The following ZFHX4 variants were observed in gnomAD, a reference collection of about 807,000 sequenced individuals.
ZFHX4 encodes zinc finger homeobox protein 4.
In ZFHX4, 56 loss-of-function variants were observed where a neutral mutation model predicts 267.6. That is an observed-to-expected ratio of 0.21 (90% CI 0.17 to 0.26). ZFHX4 has a LOEUF of 0.26. ZFHX4 is among the 10% of genes least tolerant of loss of function. The pLI is 1.00. For synonymous variants in ZFHX4, 1,778 were observed against 1,665.6 expected (o/e 1.07, Z -1.64); for missense variants, 4,332 against 4,420.0 (o/e 0.98, Z 0.56).
intron 1 of ZFHX4, among the ~76,000 whole-genome samples, chr8:76,690,397 G>T (rs1404806406): frequency 2.6e-5 from 4 of 151,994 alleles, no homozygotes; most frequent in East Asian, 1.9e-4. Context: ...AAAACAAAAT[G>T]AAACATAACT....
intron 4 of ZFHX4, among the ~76,000 whole-genome samples, chr8:76,797,373 A>G (rs1446216714): frequency 6.6e-6 from 1 of 152,208 alleles, no homozygotes; most frequent in East Asian, 1.9e-4. Flanking sequence ...ATAAGATCAC[A>G]TCATAAACAA....
chr8:76,758,695 A>G (rs535206854), intron 3 of ZFHX4, among the ~76,000 whole-genome samples: 6 of 152,086 alleles, frequency 3.9e-5, no homozygotes, highest in Non-Finnish European at 7.4e-5. Context: ...GGGTTTTGCT[A>G]TGTTGCCTAG....
rs1403886577 is a variant in ZFHX4, at chr8:76,704,399, G to T, written c.311G>T (p.Arg104Leu). Reference sequence around the variant, plus strand: ...ATGGAACACCACTGCCCTAATGCCCGCCTTCCTGTCCTGAAGGATGACAAC... The same window carrying T: ...ATGGAACACCACTGCCCTAATGCCCTCCTTCCTGTCCTGAAGGATGACAAC... ...KYMEHHCPNA[R>L]LPVLKDDNES... The change falls in exon 2 of 11, where the codon CGC (arginine) becomes CTC (leucine). Residue 104 changes from arginine to leucine, a missense_variant. Arg to Leu is a moderately radical substitution (Grantham distance 102). This residue lies in a region of ZFHX4 where 1,195 missense variants were observed against 1,173.6 expected (regional missense o/e 1.02). Coordinates refer to ENST00000651372, the MANE Select transcript of ZFHX4 (RefSeq NM_024721.5). The T allele has an allele frequency of 1.2e-6, 2 of 1,613,824 alleles. No individual in the cohort carries two copies. Among genetic ancestry groups the T allele is most frequent in the East Asian group, 4.5e-5 (2 of 44,894 alleles).
chr8:76,839,102 G>GAAA (rs1812170106), intron 5 of ZFHX4, among the ~76,000 whole-genome samples: 1 of 105,654 alleles, frequency 9.5e-6, no homozygotes, highest in Non-Finnish European at 2.2e-5. Flanking sequence ...AGAGAGAGAA[G>GAAA]GACAATGGGA....
At chr8:76,761,882 A>C (rs1002735430) in intron 3 of ZFHX4, among the ~76,000 whole-genome samples, 4 of 152,174 alleles carry the variant, frequency 2.6e-5, no homozygotes. Flanking sequence ...TTACAATAGG[A>C]TCACTTGAGA....
At chr8:76,778,631 G>A (rs1285189412) in intron 4 of ZFHX4, among the ~76,000 whole-genome samples, 192 bp downstream of exon 4, 3 of 152,052 alleles carry the variant, frequency 2.0e-5, no homozygotes, top group Non-Finnish European at 4.4e-5. Context: ...TTTTATATCA[G>A]TACCATACGC....
intron 1 of ZFHX4, chr8:76,693,369 T>C (rs1208890526): frequency 6.6e-6 from 1 of 152,218 alleles, no homozygotes; most frequent in Non-Finnish European, 1.5e-5. Context: ...AATGGCTTTT[T>C]ATATTAGAAC....
Position 76,695,000 on chromosome 8 carries a change from G to A in ZFHX4, c.-46-9043G>A, listed in dbSNP as rs191351374. Among the ~76,000 whole-genome samples, 418 of 152,010 alleles carry A rather than the reference G, an allele frequency of 2.7e-3. 2 individuals are homozygous for A. The highest frequency in any genetic ancestry group is 9.6e-3 in the African/African-American group (399 of 41,476). ...TATGAGTGCTGAAGGGGGCGAAAGG[G>A]CTTTTGGAGAGAGACATTTTTGTGC... On this transcript the variant is annotated intron_variant, in intron 1 of 10. Coordinates refer to ENST00000651372, the MANE Select transcript of ZFHX4 (RefSeq NM_024721.5).
chr8:76,839,645 G>C (rs1812183630), intron 5 of ZFHX4, among the ~76,000 whole-genome samples: 1 of 152,190 alleles, frequency 6.6e-6, no homozygotes, highest in East Asian at 1.9e-4. Flanking sequence ...CACTATTATT[G>C]CATGTAATAT....
rs529542482 is a variant in ZFHX4 at position 76,842,626 on chromosome 8, T to G, written c.3395-29T>G. 2.5e-4 allele frequency: 383 copies of G among 1,526,634 alleles called. 2 individuals carry two copies. Among genetic ancestry groups the G allele is most frequent in the Middle Eastern group, 1.7e-3 (10 of 5,812 alleles). The allele number at this position is 1,526,634 out of a possible 1,614,324, so 94.6% of individuals were successfully genotyped here. ...TGTGAACTTTTGGGCGGTTTTCAGT[T>G]CTACTGATTGGTCTGCCTTTCTTAA... On this transcript the variant is annotated intron_variant, in intron 5 of 10. Transcript: ENST00000651372.
chr8:76,721,233 C>T (rs1035180045), intron 3 of ZFHX4, among the ~76,000 whole-genome samples: 1 of 152,082 alleles, frequency 6.6e-6, no homozygotes, highest in Admixed American at 6.6e-5. Context: ...TTTATAAAGT[C>T]TGAATGTGAA....
At chr8:76,783,177 A>G (rs755275508) in intron 4 of ZFHX4, among the ~76,000 whole-genome samples, 2 of 152,036 alleles carry the variant, frequency 1.3e-5, no homozygotes, top group Admixed American at 6.6e-5. Context: ...GATAATTATT[A>G]CTAAGAACAT....
chr8:76,723,775 T>C (rs922860479), intron 3 of ZFHX4, among the ~76,000 whole-genome samples: 1 of 151,986 alleles, frequency 6.6e-6, no homozygotes, highest in Non-Finnish European at 1.5e-5. Context: ...AAATAGGTAA[T>C]ATAATTAGTA....
At chr8:76,681,800 T>C (rs1263693658) in intron 1 of ZFHX4, among the ~76,000 whole-genome samples, 180 bp downstream of exon 1, 1 of 151,958 alleles carries the variant, frequency 6.6e-6, no homozygotes, top group Non-Finnish European at 1.5e-5. Flanking sequence ...ACACATCCCC[T>C]CATCCCGACC....
At chr8:76,746,427 A>G (rs1585904323) in intron 3 of ZFHX4, among the ~76,000 whole-genome samples, 1 of 152,162 alleles carries the variant, frequency 6.6e-6, no homozygotes, top group South Asian at 2.1e-4. Context: ...AAAACAAACA[A>G]GAAATATTTT....
chr8:76,812,589 T>C (rs1352432706), intron 4 of ZFHX4, among the ~76,000 whole-genome samples: 1 of 152,180 alleles, frequency 6.6e-6, no homozygotes, highest in Non-Finnish European at 1.5e-5. Flanking sequence ...TTTCAGAAAA[T>C]GAATATTGAT....
chr8:76,687,867 C>T (rs1445389577), intron 1 of ZFHX4, among the ~76,000 whole-genome samples: 1 of 151,986 alleles, frequency 6.6e-6, no homozygotes, highest in East Asian at 1.9e-4. Flanking sequence ...TAATGAAAAG[C>T]TCTGTTGAAT....
At chr8:76,765,968 T>A (rs1286756756) in intron 3 of ZFHX4, among the ~76,000 whole-genome samples, 1 of 152,120 alleles carries the variant, frequency 6.6e-6, no homozygotes, top group Non-Finnish European at 1.5e-5. Flanking sequence ...ACAGGAGATG[T>A]ATGATATGAC....
intron 3 of ZFHX4, among the ~76,000 whole-genome samples, chr8:76,726,805 A>G (rs1191280383): frequency 1.3e-5 from 2 of 152,206 alleles, no homozygotes; most frequent in East Asian, 1.9e-4. Context: ...CAAATAGATT[A>G]CCTTATAAAA....
Sources: allele counts gnomAD v4.1 joint callset (sites outside exome capture counted in the v4.1 genomes callset), GRCh38; gene constraint gnomAD v4.1.1; regional missense constraint gnomAD v4.1.1; transcripts MANE v1.5; gene names NCBI Gene and HGNC (gene_info 2026-07-23, HGNC 2026-07-21).